The following ATP10D variants were observed in gnomAD, a reference collection of about 807,000 sequenced individuals.
ATP10D encodes phospholipid-transporting ATPase VD.
In ATP10D, 89 loss-of-function variants were observed where a neutral mutation model predicts 144.8. The ratio of observed to expected loss-of-function variants is 0.61; its 90% CI spans 0.52 to 0.73. ATP10D has a LOEUF of 0.73. Ranked by LOEUF, ATP10D falls within the 30% of genes least tolerant of loss-of-function variation. The pLI, the probability that ATP10D is intolerant of heterozygous loss-of-function variation, is 0.00. For synonymous variants in ATP10D, 571 were observed against 615.1 expected (o/e 0.93, Z 1.06); for missense variants, 1,603 against 1,714.8 (o/e 0.93, Z 1.15).
At chr4:47,588,722 G>A (rs1362758004) in intron 22 of ATP10D, among the ~76,000 whole-genome samples, 1 of 152,154 alleles carries the variant, frequency 6.6e-6, no homozygotes, top group Admixed American at 6.6e-5. Flanking sequence ...ATATCACTGT[G>A]AAACGAAGAT....
In ATP10D at chr4:47,536,020, A is replaced by T; in HGVS notation, c.1002A>T (p.Leu334Phe). 6.2e-7 allele frequency: 1 copy of T among 1,610,254 alleles called. No individual in the cohort carries two copies. Among genetic ancestry groups the T allele is most frequent in the South Asian group, 1.1e-5 (1 of 89,972 alleles). Residue 334 changes from leucine to phenylalanine, a missense_variant, in exon 7 of 23, where the codon TTA becomes TTT. Coordinates refer to ENST00000273859, the MANE Select transcript of ATP10D (RefSeq NM_020453.4). ...TCATGCTTCTGGTCATAATGTGCTTAACTGGCGCAGTAGGTAGGTAAAATT... is the reference window on the plus strand; with the variant it reads ...TCATGCTTCTGGTCATAATGTGCTTTACTGGCGCAGTAGGTAGGTAAAATT... ...WCVMLLVIMC[L>F]TGAVGHGIWL...
At position 47,557,994 on chromosome 4, in the gene ATP10D, T is replaced by C. The variant is rs555216718; in HGVS notation, c.2155T>C (p.Cys719Arg). The C allele has an allele frequency of 6.2e-7, 1 of 1,614,034 alleles. No homozygotes were observed. The highest frequency in any genetic ancestry group is 1.1e-5 in the South Asian group (1 of 91,076). The change falls in exon 12 of 23, where the codon TGC becomes CGC. Residue 719 changes from cysteine to arginine, a missense_variant. Coordinates refer to ENST00000273859, the MANE Select transcript of ATP10D (RefSeq NM_020453.4). ...AESLPGQPLA[C>R]NLCYEAESPD... Reference sequence around the variant, plus strand: ...GTCCCTCCCTGGACAGCCATTGGCCTGCAACCTGTGTTATGAGGCCGAGAG... The same window carrying C: ...GTCCCTCCCTGGACAGCCATTGGCCCGCAACCTGTGTTATGAGGCCGAGAG...
chr4:47,490,842 T>C (rs1726880649), intron 1 of ATP10D: 4 of 359,332 alleles, frequency 1.1e-5, no homozygotes, highest in South Asian at 1.0e-4. Flanking sequence ...GCAAACTGTC[T>C]TGTGAAGCAC....
intron 1 of ATP10D, among the ~76,000 whole-genome samples, chr4:47,486,009 C>T (rs963619003): frequency 1.3e-5 from 2 of 152,008 alleles, no homozygotes; most frequent in African/African-American, 4.8e-5. Flanking sequence ...AGATTGATTC[C>T]TTAAGGTTGA....
At chr4:47,542,767 C>T (rs1479573344) in intron 9 of ATP10D, among the ~76,000 whole-genome samples, 1 of 152,214 alleles carries the variant, frequency 6.6e-6, no homozygotes, top group Non-Finnish European at 1.5e-5. Context: ...GCCTGAGCCA[C>T]CGGGCCTGGC....
intron 13 of ATP10D, 93 bp downstream of exon 13, chr4:47,559,122 A>T (rs1239208162): frequency 2.2e-6 from 2 of 920,504 alleles, no homozygotes; most frequent in Non-Finnish European, 3.4e-6. Flanking sequence ...CCTAATCCAG[A>T]TGCTGGGGAA....
chr4:47,527,877 C>T (rs1013439175), intron 5 of ATP10D, among the ~76,000 whole-genome samples: 1 of 152,040 alleles, frequency 6.6e-6, no homozygotes, highest in African/African-American at 2.4e-5. Flanking sequence ...CATGGCCATC[C>T]CACTCCTAGA....
At chr4:47,500,038 A>T (rs535209683) in intron 1 of ATP10D, among the ~76,000 whole-genome samples, 1 of 152,346 alleles carries the variant, frequency 6.6e-6, no homozygotes, top group African/African-American at 2.4e-5. Context: ...GGCAGTGTGT[A>T]TAAGATTGTT....
chr4:47,489,881 A>C (rs1347031158), intron 1 of ATP10D, among the ~76,000 whole-genome samples: 3 of 152,166 alleles, frequency 2.0e-5, no homozygotes, highest in Non-Finnish European at 2.9e-5. Context: ...GATAGGTTTT[A>C]ATTAAATACT....
At chr4:47,538,692 G>A (rs184374942) in intron 9 of ATP10D, among the ~76,000 whole-genome samples, 46 of 152,180 alleles carry the variant, frequency 3.0e-4, no homozygotes, top group East Asian at 1.4e-3. Flanking sequence ...CTGGTATTTC[G>A]CAGAATTCAG....
intron 3 of ATP10D, among the ~76,000 whole-genome samples, chr4:47,522,674 A>G (rs2109409981): frequency 6.6e-6 from 1 of 152,246 alleles, no homozygotes; most frequent in East Asian, 1.9e-4. Context: ...GGTTCAAGCG[A>G]TTCTCCCGTC....
chr4:47,558,011 G>C lies in ATP10D; in HGVS notation c.2172G>C (p.Glu724Asp), dbSNP rs369950538. 6 of 1,614,120 alleles carry C rather than the reference G, an allele frequency of 3.7e-6. No homozygotes were observed. The highest frequency in any genetic ancestry group is 2.7e-5 in the African/African-American group (2 of 75,032). Reference sequence around the variant, plus strand: ...CATTGGCCTGCAACCTGTGTTATGAGGCCGAGAGCCCAGACGAAGCGGCCT... The same window carrying C: ...CATTGGCCTGCAACCTGTGTTATGACGCCGAGAGCCCAGACGAAGCGGCCT... ...GQPLACNLCYEAESPDEAALV... is the reference protein window; with the variant it reads ...GQPLACNLCYDAESPDEAALV... Residue 724 changes from glutamate (E) to aspartate (D), a missense_variant, in exon 12 of 23, where the codon GAG (glutamate) becomes GAC (aspartate). Coordinates refer to ENST00000273859, the MANE Select transcript of ATP10D (RefSeq NM_020453.4).
At chr4:47,526,352 G>A (rs1717245096) in intron 5 of ATP10D, among the ~76,000 whole-genome samples, 1 of 152,176 alleles carries the variant, frequency 6.6e-6, no homozygotes, top group Non-Finnish European at 1.5e-5. Flanking sequence ...TCTCATAGAT[G>A]TAGAAAAAGC....
At chr4:47,542,748 G>T (rs1370419820) in intron 9 of ATP10D, among the ~76,000 whole-genome samples, 1 of 152,148 alleles carries the variant, frequency 6.6e-6, no homozygotes, top group Non-Finnish European at 1.5e-5. Flanking sequence ...CAAAGTGCTG[G>T]GATTGCAGGC....
intron 9 of ATP10D, among the ~76,000 whole-genome samples, chr4:47,542,505 G>GGAGTCTAGTCTCGCCAGGTTGCAGT (rs1718189188): frequency 6.6e-6 from 1 of 152,038 alleles, no homozygotes; most frequent in Non-Finnish European, 1.5e-5. Context: ...TTTTTGAGAA[G>GGAGTCTAGTCTCGCCAGGTTGCAGT]GAGTCTAGTC....
At chr4:47,539,904 G>A (rs1215136723) in intron 9 of ATP10D, among the ~76,000 whole-genome samples, 2 of 152,058 alleles carry the variant, frequency 1.3e-5, no homozygotes, top group East Asian at 1.9e-4. Flanking sequence ...AGTATTTTTC[G>A]TTTATGCCTC....
intron 3 of ATP10D, among the ~76,000 whole-genome samples, chr4:47,517,340 C>T (rs1403621134): frequency 1.3e-5 from 2 of 152,098 alleles, no homozygotes; most frequent in African/African-American, 4.8e-5. Context: ...CGCCTGAGCC[C>T]GGGAGGTGGA....
chr4:47,591,436 G>C lies in ATP10D; in HGVS notation c.*55G>C. ...TCAAGGTTGGAAGAGGGATTTTGAA[G>C]AGGTATCTCTCCAAGCAAGAATGAC... On this transcript the variant is annotated 3_prime_UTR_variant, in exon 23 of 23. Transcript: ENST00000273859. 2 of 1,429,894 alleles carry C rather than the reference G, an allele frequency of 1.4e-6. No individual in the cohort carries two copies. The highest frequency in any genetic ancestry group is 1.9e-6 in the Non-Finnish European group (2 of 1,053,872). 88.6% of individuals were successfully genotyped at this position (1,429,894 alleles called of 1,614,324 possible).
At chr4:47,509,570 CTT>C (rs1384082833) in intron 1 of ATP10D, among the ~76,000 whole-genome samples, 2 of 152,180 alleles carry the variant, frequency 1.3e-5, no homozygotes, top group Non-Finnish European at 2.9e-5. Flanking sequence ...GGTCTACTCT[CTT>C]AACAATTTTC....
Sources: gnomAD v4.1 joint callset for allele counts (sites outside exome capture counted in the v4.1 genomes callset) on GRCh38, gnomAD v4.1.1 for gene constraint, MANE v1.5 for transcripts, NCBI Gene and HGNC (gene_info 2026-07-23, HGNC 2026-07-21) for gene names.